ACTR3C: variants seen among roughly 807,000 people sequenced by gnomAD.
ACTR3C encodes the protein actin-related protein 3C.
ACTR3C carries 18 observed loss-of-function variants against 26.3 expected under a neutral mutation model. The observed-to-expected ratio is 0.68, with a 90% CI of 0.47 to 1.01. The LOEUF is 1.01. Ranked by LOEUF, ACTR3C falls within the 50% of genes least tolerant of loss-of-function variation. The pLI is 0.00. For missense variants in ACTR3C, 184 were observed against 250.7 expected (o/e 0.73, Z 1.80); for synonymous variants, 55 against 94.5 (o/e 0.58, Z 2.42).
chr7:150,307,616 C>T (rs1795897777), intron 1 of ACTR3C, among the ~76,000 whole-genome samples: 2 of 152,196 alleles, frequency 1.3e-5, no homozygotes, highest in Non-Finnish European at 2.9e-5. Flanking sequence ...CTTTTTCAGA[C>T]TCAGTCCGCC....
chr7:150,036,216 G>T, the ACTR3C span, among the ~76,000 whole-genome samples: 6 of 146,542 alleles, frequency 4.1e-5, 1 homozygote, highest in Non-Finnish European at 7.8e-5. Flanking sequence ...ATGGATCTCA[G>T]CCATCACAAA....
the ACTR3C span, among the ~76,000 whole-genome samples, chr7:150,199,624 A>T: frequency 6.4e-4 from 81 of 125,948 alleles, no homozygotes; most frequent in South Asian, 4.0e-3. Context: ...TTTAAAAAAA[A>T]AAAATAAATA....
chr7:150,012,139 T>C, the ACTR3C span, among the ~76,000 whole-genome samples: 6 of 152,164 alleles, frequency 3.9e-5, no homozygotes, highest in Non-Finnish European at 5.9e-5. Flanking sequence ...ATCAGCCCAG[T>C]GTGTAGGCTA....
chr7:149,904,420 C>T, the ACTR3C span, among the ~76,000 whole-genome samples: 8 of 151,188 alleles, frequency 5.3e-5, no homozygotes, highest in African/African-American at 1.9e-4. Flanking sequence ...GTCCCAACTA[C>T]TCGGGAGGCT....
the ACTR3C span, among the ~76,000 whole-genome samples, chr7:150,100,162 C>T: frequency 1.1e-4 from 16 of 151,582 alleles, 1 homozygote; most frequent in African/African-American, 1.7e-4. Context: ...CACATACATA[C>T]GCAGGGTGCA....
intron 6 of ACTR3C, among the ~76,000 whole-genome samples, chr7:150,275,468 C>G (rs570697806): frequency 6.6e-6 from 1 of 152,288 alleles, no homozygotes; most frequent in East Asian, 1.9e-4. Flanking sequence ...CCCAGCACTT[C>G]GGGAGGCCGA....
chr7:150,057,410 AGCTAGAATTACAGGCATGC>A, the ACTR3C span, among the ~76,000 whole-genome samples: 1 of 151,468 alleles, frequency 6.6e-6, no homozygotes, highest in Admixed American at 6.6e-5. Context: ...ACTCCCAAGT[AGCTAGAATTACAGGCATGC>A]GCCACCAGAG....
At chr7:149,896,330 G>A in the ACTR3C span, among the ~76,000 whole-genome samples, 1 of 152,182 alleles carries the variant, frequency 6.6e-6, no homozygotes, top group South Asian at 2.1e-4. Flanking sequence ...GCACTTACTA[G>A]TTAGCTGACT....
At chr7:149,911,997 G>A in the ACTR3C span, among the ~76,000 whole-genome samples, 14 of 137,164 alleles carry the variant, frequency 1.0e-4, no homozygotes, top group Admixed American at 9.0e-4. Flanking sequence ...GTGACAGAGC[G>A]AGACCCTGTC....
intron 3 of ACTR3C, among the ~76,000 whole-genome samples, chr7:150,292,168 T>C (rs998765019): frequency 6.6e-6 from 1 of 150,414 alleles, no homozygotes; most frequent in Non-Finnish European, 1.5e-5. Context: ...TGTAAATATA[T>C]ACACAAACAC....
chr7:150,076,390 A>G, the ACTR3C span, among the ~76,000 whole-genome samples: 9 of 152,322 alleles, frequency 5.9e-5, no homozygotes, highest in South Asian at 6.2e-4. Context: ...ACATATAAAT[A>G]TATCTACTGA....
the ACTR3C span, among the ~76,000 whole-genome samples, chr7:149,970,433 TA>T: frequency 6.6e-6 from 1 of 152,042 alleles, no homozygotes; most frequent in African/African-American, 2.4e-5. Flanking sequence ...CCTTGTTGTG[TA>T]AGGAAAAACG....
At chr7:150,001,069 G>C in the ACTR3C span, 1 of 152,286 alleles carries the variant, frequency 6.6e-6, no homozygotes, top group East Asian at 1.9e-4. Context: ...GGAGGTCTCA[G>C]GGACACGCCA....
At chr7:149,990,505 A>G in the ACTR3C span, among the ~76,000 whole-genome samples, 1 of 120,550 alleles carries the variant, frequency 8.3e-6, no homozygotes, top group Non-Finnish European at 1.7e-5. Context: ...ACATTCTATA[A>G]ACACGCACCA....
At chr7:149,936,495 C>T in the ACTR3C span, among the ~76,000 whole-genome samples, 1 of 152,210 alleles carries the variant, frequency 6.6e-6, no homozygotes, top group Non-Finnish European at 1.5e-5. Context: ...ATAATTTACT[C>T]TACATGATGA....
chr7:150,045,317 AT>A, the ACTR3C span, among the ~76,000 whole-genome samples: 1 of 152,256 alleles, frequency 6.6e-6, no homozygotes, highest in Admixed American at 6.5e-5. Context: ...AACTTTTCCA[AT>A]TCTGAGGAAC....
At chr7:150,199,735 A>AAAC in the ACTR3C span, among the ~76,000 whole-genome samples, 5 of 129,018 alleles carry the variant, frequency 3.9e-5, no homozygotes, top group Admixed American at 1.5e-4. Context: ...CAAAAAAAAA[A>AAAC]AAAAAAAAAA....
the ACTR3C span, among the ~76,000 whole-genome samples, chr7:149,921,869 T>A: frequency 1.3e-5 from 2 of 152,022 alleles, no homozygotes; most frequent in Non-Finnish European, 2.9e-5. Flanking sequence ...AGAGCGAGAC[T>A]CTGTCTCAAA....
the ACTR3C span, among the ~76,000 whole-genome samples, chr7:150,209,787 A>G: frequency 1.3e-5 from 2 of 150,048 alleles, no homozygotes; most frequent in Non-Finnish European, 3.0e-5. Context: ...GTGGTGGTGC[A>G]TGCCTGTAGT....
Sources: gnomAD v4.1 joint callset for allele counts (sites outside exome capture counted in the v4.1 genomes callset) on GRCh38, gnomAD v4.1.1 for gene constraint, MANE v1.5 for transcripts, NCBI Gene and HGNC (gene_info 2026-07-23, HGNC 2026-07-21) for gene names.